ADGRA3: variants seen among roughly 807,000 people sequenced by gnomAD.
The protein encoded by ADGRA3 is adhesion G protein-coupled receptor A3.
In ADGRA3, 56 loss-of-function variants were observed where a neutral mutation model predicts 119.8. The observed-to-expected ratio is 0.47, with a 90% CI of 0.38 to 0.58. ADGRA3 has a LOEUF of 0.58. ADGRA3 is among the 20% of genes least tolerant of loss of function. The pLI is 0.00. For synonymous variants in ADGRA3, 607 were observed against 623.8 expected, an observed-to-expected ratio of 0.97 and a Z score of 0.40; for missense variants, 1,516 against 1,649.0, an observed-to-expected ratio of 0.92 and a Z score of 1.40.
At chr4:22,491,188 G>A (rs575653903) in intron 1 of ADGRA3, among the ~76,000 whole-genome samples, 10 of 152,328 alleles carry the variant, frequency 6.6e-5, no homozygotes, top group Admixed American at 2.6e-4. Context: ...GGTAAACTTT[G>A]TTTAAATGTA....
rs1560291579 is a variant in ADGRA3, at chr4:22,389,155, T to G, written c.2656A>C (p.Ile886Leu). ...RFYLIGGGIP[I>L]IVCGITAAAN... ...GCTGCAGTTATGCCGCAAACAATGA[T>G]GGGGATACCACCACCAATCAGGTAA... The change falls in exon 18 of 19, where the codon ATC becomes CTC. Residue 886 changes from isoleucine (I) to leucine (L), a missense_variant. Physicochemically the swap from Ile to Leu is conservative, Grantham distance 5. This residue lies in a region of ADGRA3 where 1,088 missense variants were observed against 1,107.1 expected (regional missense o/e 0.98). Coordinates refer to ENST00000334304, the MANE Select transcript of ADGRA3 (RefSeq NM_145290.4). The G allele has an allele frequency of 8.1e-6, 13 of 1,613,886 alleles. No individual in the cohort carries two copies. The highest frequency in any genetic ancestry group is 1.3e-5 in the African/African-American group (1 of 75,036).
chr4:22,493,939 T>C (rs1718718947), intron 1 of ADGRA3, among the ~76,000 whole-genome samples: 1 of 152,054 alleles, frequency 6.6e-6, no homozygotes, highest in South Asian at 2.1e-4. Context: ...GCGCGGTGGC[T>C]CACACCTATA....
chr4:22,433,913 T>C (rs1307194130), intron 10 of ADGRA3, among the ~76,000 whole-genome samples: 1 of 152,058 alleles, frequency 6.6e-6, no homozygotes, highest in East Asian at 1.9e-4. Context: ...GGAGCAGTTA[T>C]TAGAAAAAAT....
At chr4:22,409,154 G>C (rs1379551081) in intron 14 of ADGRA3, among the ~76,000 whole-genome samples, 3 of 152,090 alleles carry the variant, frequency 2.0e-5, no homozygotes, top group African/African-American at 4.8e-5. Context: ...TACAAATCTT[G>C]TTCTTATACA....
intron 3 of ADGRA3, among the ~76,000 whole-genome samples, chr4:22,457,235 A>G (rs1465507808): frequency 6.6e-6 from 1 of 152,240 alleles, no homozygotes; most frequent in Non-Finnish European, 1.5e-5. Context: ...CTGATAGTAT[A>G]TTCTTCAGAA....
rs369922161 is a variant in ADGRA3, at chr4:22,444,660, G to C, written c.706+313C>G. On this transcript the variant is annotated intron_variant, in intron 6 of 18. Coordinates refer to ENST00000334304, the MANE Select transcript of ADGRA3 (RefSeq NM_145290.4). ...CACAGGATGTGGGCATCCTGAGATT[G>C]TGTTACTACAGACAAATTCACGAGT... Among the ~76,000 whole-genome samples the C allele has an allele frequency of 1.5e-4, 23 of 152,168 alleles. No homozygotes were observed. In the East Asian group the frequency reaches 2.7e-3, roughly 18 times the overall value.
intron 1 of ADGRA3, among the ~76,000 whole-genome samples, chr4:22,475,195 A>G (rs892550421): frequency 6.6e-6 from 1 of 152,160 alleles, no homozygotes; most frequent in African/African-American, 2.4e-5. Flanking sequence ...TCAGTAACAG[A>G]GTTCCATTAT....
At chr4:22,469,615 C>T (rs1451246151) in intron 2 of ADGRA3, among the ~76,000 whole-genome samples, 1 of 152,198 alleles carries the variant, frequency 6.6e-6, no homozygotes, top group African/African-American at 2.4e-5. Flanking sequence ...ACAGCCATCT[C>T]AAAAGTCAAC....
At chr4:22,428,720 T>G (rs1362328845) in intron 10 of ADGRA3, among the ~76,000 whole-genome samples, 1 of 152,220 alleles carries the variant, frequency 6.6e-6, no homozygotes, top group Non-Finnish European at 1.5e-5. Flanking sequence ...ATGGAACTGC[T>G]GCATTCTGAA....
intron 14 of ADGRA3, among the ~76,000 whole-genome samples, chr4:22,407,707 TA>T (rs543901089): frequency 6.6e-6 from 1 of 152,158 alleles, no homozygotes; most frequent in Non-Finnish European, 1.5e-5. Flanking sequence ...AAATGTGTGT[TA>T]AAAAATCACA....
intron 17 of ADGRA3, among the ~76,000 whole-genome samples, chr4:22,392,308 G>A (rs778754285): frequency 2.6e-5 from 4 of 152,070 alleles, no homozygotes; most frequent in Non-Finnish European, 4.4e-5. Context: ...CTCACAACTC[G>A]AGGATGGGAG....
chr4:22,432,786 C>G (rs1382985602), intron 10 of ADGRA3, among the ~76,000 whole-genome samples: 2 of 152,174 alleles, frequency 1.3e-5, no homozygotes, highest in Non-Finnish European at 2.9e-5. Flanking sequence ...TAATGCCTAT[C>G]CTGAGACAAC....
chr4:22,467,361 C>A (rs908807399), intron 2 of ADGRA3, among the ~76,000 whole-genome samples: 1 of 152,320 alleles, frequency 6.6e-6, no homozygotes, highest in African/African-American at 2.4e-5. Flanking sequence ...AACTCCCCAA[C>A]TGACCCTCAT....
intron 2 of ADGRA3, among the ~76,000 whole-genome samples, chr4:22,462,586 A>G (rs1052447202): frequency 6.6e-6 from 1 of 152,172 alleles, no homozygotes; most frequent in African/African-American, 2.4e-5. Flanking sequence ...AAGTGCTGGG[A>G]TTACAGGCAT....
intron 7 of ADGRA3, among the ~76,000 whole-genome samples, chr4:22,439,444 C>T (rs768151511): frequency 1.3e-4 from 20 of 152,184 alleles, no homozygotes; most frequent in South Asian, 4.1e-4. Context: ...GTATGCGTTG[C>T]TGTTATGTAG....
intron 16 of ADGRA3, among the ~76,000 whole-genome samples, chr4:22,397,175 CTTTT>C (rs56918685): frequency 1.1e-5 from 1 of 93,254 alleles, no homozygotes; most frequent in Admixed American, 1.2e-4. Flanking sequence ...TACTGTAATT[CTTTT>C]TTTTTTTTTT....
At chr4:22,399,137 A>G (rs1196281170) in intron 16 of ADGRA3, among the ~76,000 whole-genome samples, 1 of 152,120 alleles carries the variant, frequency 6.6e-6, no homozygotes, top group South Asian at 2.1e-4. Flanking sequence ...TTCTGCACAC[A>G]TGTGCTGAAC....
chr4:22,414,231 A>G, intron 12 of ADGRA3: 1 of 218,184 alleles, frequency 4.6e-6, no homozygotes, highest in Non-Finnish European at 9.0e-6. Context: ...ATTTGGGCTT[A>G]TGGAACTTTA....
At chr4:22,391,435 C>T (rs1036145657) in intron 17 of ADGRA3, among the ~76,000 whole-genome samples, 2 of 152,126 alleles carry the variant, frequency 1.3e-5, no homozygotes, top group South Asian at 2.1e-4. Context: ...ATTTCTCTCC[C>T]TCACACAACT....
Sources: gnomAD v4.1 joint callset for allele counts (sites outside exome capture counted in the v4.1 genomes callset) on GRCh38, gnomAD v4.1.1 for gene constraint, gnomAD v4.1.1 regional missense constraint, MANE v1.5 for transcripts, NCBI Gene and HGNC (gene_info 2026-07-23, HGNC 2026-07-21) for gene names.